The following C5orf34 variants were observed in gnomAD, a reference collection of about 807,000 sequenced individuals.
The protein encoded by C5orf34 is chromosome 5 open reading frame 34.
Under a neutral mutation model 78.4 loss-of-function variants are expected in C5orf34, and 73 were observed. That is an observed-to-expected ratio of 0.93 (90% CI 0.77 to 1.13). The LOEUF is 1.13. Ranked by LOEUF, C5orf34 falls within the 50% of genes most tolerant of loss-of-function variation. The pLI, the probability that C5orf34 is intolerant of heterozygous loss-of-function variation, is 0.00. For missense variants in C5orf34, 730 were observed against 732.7 expected, an observed-to-expected ratio of 1.00 and a Z score of 0.04; for synonymous variants, 251 against 246.6, an observed-to-expected ratio of 1.02 and a Z score of -0.17.
In C5orf34 at chr5:43,502,490, G is replaced by A. The variant is rs1745801552; in HGVS notation, c.1034C>T (p.Thr345Ile). ...VWYKGVTYRL[T>I]HQNMNSIEIY... ...CTCTATTGAGTTCATATTTTGATGG[G>A]TAAGTCTAAGAAATAGAAATAACCA... The change falls in exon 6 of 13, where the codon ACC (threonine) becomes ATC (isoleucine). Residue 345 changes from threonine (T) to isoleucine (I), a missense_variant. Thr to Ile is a moderately conservative substitution (Grantham distance 89, BLOSUM62 -1). Coordinates refer to ENST00000306862, the MANE Select transcript of C5orf34 (RefSeq NM_198566.4). 2 of 1,546,470 alleles carry A rather than the reference G, an allele frequency of 1.3e-6. No individual in the cohort carries two copies. The highest frequency in any genetic ancestry group is 1.9e-5 in the Admixed American group (1 of 51,968).
chr5:43,511,144 G>T, intron 1 of C5orf34: 1 of 177,830 alleles, frequency 5.6e-6, no homozygotes, highest in Non-Finnish European at 1.2e-5. Flanking sequence ...CATCTGAGAA[G>T]TGAGGAGCCC....
At chr5:43,487,445 T>G (rs1434768611) in intron 12 of C5orf34, among the ~76,000 whole-genome samples, 1 of 152,158 alleles carries the variant, frequency 6.6e-6, no homozygotes, top group African/African-American at 2.4e-5. Flanking sequence ...ATAAGGAATC[T>G]GTGTAGTGTC....
intron 6 of C5orf34, chr5:43,495,823 C>G: frequency 6.3e-7 from 1 of 1,583,682 alleles, no homozygotes; most frequent in Non-Finnish European, 8.7e-7. Context: ...CTTTCCATCC[C>G]TTGAGCCAAG....
intron 10 of C5orf34, among the ~76,000 whole-genome samples, chr5:43,491,082 C>T (rs1286668306): frequency 1.3e-5 from 2 of 152,120 alleles, no homozygotes; most frequent in Non-Finnish European, 2.9e-5. Flanking sequence ...AAAAAATATT[C>T]ACACAAAATA....
chr5:43,493,631 CTACT>C lies in C5orf34; in HGVS notation c.1245-23_1245-20del, dbSNP rs758968347. On this transcript the variant is annotated intron_variant, in intron 7 of 12. Transcript: ENST00000306862. Reference sequence around the variant, plus strand: ...AAGAATTCTGTGAACACAAAAAATACTACTTAAACATTTGCAAATGACATTTTCC... The same window carrying C: ...AAGAATTCTGTGAACACAAAAAATACTAAACATTTGCAAATGACATTTTCC... 1.4e-6 allele frequency: 2 copies of C among 1,464,390 alleles called. No homozygotes were observed. Among genetic ancestry groups the C allele is most frequent in the Non-Finnish European group, 9.4e-7 (1 of 1,069,220 alleles). The allele number at this position is 1,464,390 out of a possible 1,614,324, so 90.7% of individuals were successfully genotyped here.
At position 43,496,083 on chromosome 5, in the gene C5orf34, C is replaced by A; in HGVS notation, c.1153-1482G>T. On this transcript the variant is annotated intron_variant, in intron 6 of 12. Transcript: ENST00000306862. ...CAGGTCTGCCCATTCTTGGAGATAC[C>A]AGTTTCAAATTCGCCAACACCAGCA... is the stretch of plus-strand genomic sequence containing the variant. The A allele has an allele frequency of 1.9e-6, 3 of 1,561,170 alleles. No individual in the cohort carries two copies. The South Asian group carries it at 3.3e-5, about 17-fold the overall frequency.
At chr5:43,510,550 C>T (rs1386576896) in intron 1 of C5orf34, among the ~76,000 whole-genome samples, 1 of 152,250 alleles carries the variant, frequency 6.6e-6, no homozygotes, top group Non-Finnish European at 1.5e-5. Context: ...GTCTGATTCT[C>T]CTGCCTCAGC....
intron 4 of C5orf34, chr5:43,505,467 C>G (rs1745940883): frequency 2.9e-6 from 1 of 339,794 alleles, no homozygotes; most frequent in East Asian, 4.6e-5. Context: ...TCACTAGATT[C>G]TAAGTTGCTA....
At chr5:43,506,470 G>A (rs557509976) in intron 3 of C5orf34, 76 bp from the exon 4 acceptor site, 5 of 1,401,454 alleles carry the variant, frequency 3.6e-6, no homozygotes, top group Non-Finnish European at 2.9e-6. Context: ...TGATATTTAA[G>A]TATTGTGTAA....
intron 6 of C5orf34, among the ~76,000 whole-genome samples, chr5:43,500,176 T>G (rs1265279136): frequency 1.3e-5 from 2 of 152,254 alleles, no homozygotes; most frequent in Admixed American, 1.3e-4. Context: ...ATTGATATTT[T>G]AATTTGCATT....
intron 6 of C5orf34, among the ~76,000 whole-genome samples, chr5:43,496,872 A>G (rs114726340): frequency 0.012 from 1,851 of 152,272 alleles, 38 homozygotes; most frequent in African/African-American, 0.043. Context: ...GCCTGGCCCA[A>G]AAGTTACATT....
At chr5:43,510,398 A>G (rs1746172528) in intron 1 of C5orf34, among the ~76,000 whole-genome samples, 1 of 152,130 alleles carries the variant, frequency 6.6e-6, no homozygotes, top group Non-Finnish European at 1.5e-5. Context: ...TACAGCAGTG[A>G]CAGAAGGGGA....
intron 4 of C5orf34, among the ~76,000 whole-genome samples, chr5:43,505,236 C>A (rs1246925445): frequency 6.6e-6 from 1 of 152,172 alleles, no homozygotes; most frequent in African/African-American, 2.4e-5. Flanking sequence ...CGTGTGTACC[C>A]CTTTTGAAAA....
intron 1 of C5orf34, among the ~76,000 whole-genome samples, chr5:43,512,815 G>C (rs559499893): frequency 8.6e-6 from 1 of 116,680 alleles, no homozygotes; most frequent in Non-Finnish European, 1.6e-5. Flanking sequence ...ACAGAGTCTT[G>C]CTCTGTTGCC....
At chr5:43,497,472 C>A (rs911569845) in intron 6 of C5orf34, among the ~76,000 whole-genome samples, 2 of 152,040 alleles carry the variant, frequency 1.3e-5, no homozygotes, top group Non-Finnish European at 2.9e-5. Context: ...TTTAAACCAC[C>A]AAGAGAGTGC....
intron 6 of C5orf34, chr5:43,495,782 G>T: frequency 1.3e-6 from 2 of 1,579,170 alleles, no homozygotes; most frequent in Non-Finnish European, 1.7e-6. Context: ...AAGCAGCATG[G>T]TGCCGCTGGC....
rs532460770 is a variant in C5orf34, at chr5:43,508,653, C to G, written c.209G>C (p.Arg70Pro). 6.3e-7 allele frequency: 1 copy of G among 1,596,992 alleles called. No homozygotes were observed. The highest frequency in any genetic ancestry group is 2.2e-5 in the East Asian group (1 of 44,752). The change falls in exon 3 of 13, where the codon CGA becomes CCA. Residue 70 changes from arginine to proline, a missense_variant. Arg to Pro is a moderately radical substitution (Grantham distance 103). Transcript: ENST00000306862. ...VISTYREQLQ[R>P]ALDFRNSSAT... ...TGAAGAGTTTCGAAAATCTAGGGCTCGCTGTAGTTGCTCCTATGAAAAGAA... is the reference window on the plus strand; with the variant it reads ...TGAAGAGTTTCGAAAATCTAGGGCTGGCTGTAGTTGCTCCTATGAAAAGAA...
At chr5:43,487,667 C>A (rs950462771) in intron 12 of C5orf34, among the ~76,000 whole-genome samples, 7 of 151,968 alleles carry the variant, frequency 4.6e-5, no homozygotes, top group African/African-American at 1.7e-4. Flanking sequence ...CCAAAGGAGA[C>A]CTTAACCCTA....
rs1370908220 is a variant in C5orf34, at chr5:43,495,396, C to A, written c.1153-795G>T. ...CAATCCAATATAGGGGCATAGCCAG[C>A]GCTTATTTGGCCTGGATGGTTCAGG... On this transcript the variant is annotated intron_variant, in intron 6 of 12. Coordinates refer to ENST00000306862, the MANE Select transcript of C5orf34 (RefSeq NM_198566.4). The A allele has an allele frequency of 3.1e-6, 5 of 1,611,660 alleles. No individual in the cohort carries two copies. The Admixed American group carries it at 5.0e-5, about 16-fold the overall frequency.
Sources: gnomAD v4.1 joint callset for allele counts (sites outside exome capture counted in the v4.1 genomes callset) on GRCh38, gnomAD v4.1.1 for gene constraint, MANE v1.5 for transcripts, NCBI Gene and HGNC (gene_info 2026-07-23, HGNC 2026-07-21) for gene names.